MAF: variants seen among roughly 807,000 people sequenced by gnomAD.
MAF encodes MAF bZIP transcription factor, also known as transcription factor Maf.
Under a neutral mutation model 22.0 loss-of-function variants are expected in MAF, and 10 were observed. That is an observed-to-expected ratio of 0.45 (90% CI 0.28 to 0.77). MAF has a LOEUF of 0.77. Ranked by LOEUF, MAF falls within the 30% of genes least tolerant of loss-of-function variation. MAF has a pLI of 0.12. For synonymous variants in MAF, 337 were observed against 255.8 expected (o/e 1.32, Z -3.03); for missense variants, 544 against 548.4 (o/e 0.99, Z 0.08).
chr16:79,430,561 C>T, the MAF span, among the ~76,000 whole-genome samples: 2 of 152,232 alleles, frequency 1.3e-5, no homozygotes, highest in African/African-American at 2.4e-5. Context: ...GCCCCTCTGC[C>T]CGGCACACGG....
the MAF span, among the ~76,000 whole-genome samples, chr16:79,528,780 T>G: frequency 6.6e-5 from 10 of 152,118 alleles, no homozygotes; most frequent in African/African-American, 1.9e-4. Context: ...ACCCTGAAAA[T>G]GAAATTGGCT....
At chr16:79,313,792 C>G in the MAF span, among the ~76,000 whole-genome samples, 19 of 152,212 alleles carry the variant, frequency 1.2e-4, no homozygotes, top group Non-Finnish European at 2.2e-4. Flanking sequence ...AGGTTTCCAG[C>G]CAATAGATGT....
At chr16:79,338,717 T>C in the MAF span, among the ~76,000 whole-genome samples, 1 of 152,136 alleles carries the variant, frequency 6.6e-6, no homozygotes, top group Admixed American at 6.5e-5. Flanking sequence ...GGCTTTATAA[T>C]CTATACACTC....
the MAF span, among the ~76,000 whole-genome samples, chr16:79,467,841 G>C: frequency 6.6e-6 from 1 of 152,008 alleles, no homozygotes; most frequent in Non-Finnish European, 1.5e-5. Flanking sequence ...TAAATATGGA[G>C]GGGAGGAAGG....
chr16:79,428,865 A>AATAATAATAATC, the MAF span, among the ~76,000 whole-genome samples: 18 of 150,936 alleles, frequency 1.2e-4, no homozygotes, highest in Admixed American at 4.6e-4. Context: ...TAATAATAAT[A>AATAATAATAATC]ATAATAGTAA....
chr16:79,479,355 T>C, the MAF span, among the ~76,000 whole-genome samples: 1 of 152,208 alleles, frequency 6.6e-6, no homozygotes, highest in African/African-American at 2.4e-5. Context: ...CGCCATAAAA[T>C]CCACTATCAT....
the MAF span, among the ~76,000 whole-genome samples, chr16:79,472,501 G>A: frequency 1.3e-5 from 2 of 152,084 alleles, no homozygotes; most frequent in Non-Finnish European, 2.9e-5. Context: ...GATATACTAA[G>A]TGAAAGAAGC....
At chr16:79,369,957 C>T in the MAF span, among the ~76,000 whole-genome samples, 1 of 152,204 alleles carries the variant, frequency 6.6e-6, no homozygotes, top group South Asian at 2.1e-4. Flanking sequence ...CTCTCCCAAC[C>T]TTCTGTAGCT....
chr16:79,515,592 T>C, the MAF span, among the ~76,000 whole-genome samples: 1 of 152,216 alleles, frequency 6.6e-6, no homozygotes, highest in Non-Finnish European at 1.5e-5. Flanking sequence ...TTTTGACTGA[T>C]GACATTTTCA....
the MAF span, among the ~76,000 whole-genome samples, chr16:79,339,346 A>G: frequency 6.6e-6 from 1 of 152,184 alleles, no homozygotes. Context: ...GGCGTGAGCC[A>G]CCGCACCCGG....
the MAF span, among the ~76,000 whole-genome samples, chr16:79,351,093 T>A: frequency 5.5e-4 from 84 of 152,306 alleles, no homozygotes; most frequent in African/African-American, 1.9e-3. Flanking sequence ...ACAAGTGGCA[T>A]GCTCACTTGA....
chr16:79,360,781 A>G, the MAF span, among the ~76,000 whole-genome samples: 1 of 152,176 alleles, frequency 6.6e-6, no homozygotes, highest in Non-Finnish European at 1.5e-5. Context: ...GAGTGGAACA[A>G]GGACTTGGCC....
At chr16:79,571,445 T>A in the MAF span, among the ~76,000 whole-genome samples, 1 of 152,008 alleles carries the variant, frequency 6.6e-6, no homozygotes, top group African/African-American at 2.4e-5. Flanking sequence ...CCCAGGGAGC[T>A]TCTAGTGGTC....
the MAF span, among the ~76,000 whole-genome samples, chr16:79,437,846 G>T: frequency 2.0e-5 from 3 of 152,178 alleles, no homozygotes; most frequent in Admixed American, 2.0e-4. Context: ...TGGGAAGGGG[G>T]TTCCCACATG....
At chr16:79,260,603 C>T in the MAF span, among the ~76,000 whole-genome samples, 1 of 152,288 alleles carries the variant, frequency 6.6e-6, no homozygotes, top group Middle Eastern at 3.4e-3. Context: ...GTGCTTGACA[C>T]ATAGTAATTA....
chr16:79,494,390 G>A, the MAF span, among the ~76,000 whole-genome samples: 2 of 152,086 alleles, frequency 1.3e-5, no homozygotes, highest in African/African-American at 2.4e-5. Flanking sequence ...CCTCCCAGAG[G>A]CCTCTCTCTT....
the MAF span, among the ~76,000 whole-genome samples, chr16:79,266,387 C>A: frequency 4.6e-5 from 7 of 152,158 alleles, no homozygotes; most frequent in Non-Finnish European, 8.8e-5. Context: ...TGAATCCAAG[C>A]CTTTAATAGA....
At chr16:79,371,739 A>G in the MAF span, among the ~76,000 whole-genome samples, 1 of 152,182 alleles carries the variant, frequency 6.6e-6, no homozygotes, top group Non-Finnish European at 1.5e-5. Context: ...CATGTTACCC[A>G]GGAAACCCCT....
chr16:79,253,297 A>G, the MAF span, among the ~76,000 whole-genome samples: 1 of 152,060 alleles, frequency 6.6e-6, no homozygotes, highest in Admixed American at 6.6e-5. Context: ...CCACCCCACC[A>G]TCATTGCCTG....
Sources: gnomAD v4.1 joint callset for allele counts (sites outside exome capture counted in the v4.1 genomes callset) on GRCh38, gnomAD v4.1.1 for gene constraint, MANE v1.5 for transcripts, NCBI Gene and HGNC (gene_info 2026-07-23, HGNC 2026-07-21) for gene names.